The following CACNG5 variants were observed in gnomAD, a reference collection of about 807,000 sequenced individuals.
The protein encoded by CACNG5 is calcium voltage-gated channel auxiliary subunit gamma 5.
CACNG5 carries 18 observed loss-of-function variants against 24.8 expected under a neutral mutation model. That is an observed-to-expected ratio of 0.73 (90% CI 0.50 to 1.08). CACNG5 has a LOEUF of 1.08. Ranked by LOEUF, CACNG5 falls within the 50% of genes least tolerant of loss-of-function variation. The pLI, the probability that CACNG5 is intolerant of heterozygous loss-of-function variation, is 0.00. For missense variants in CACNG5, 349 were observed against 367.9 expected, an observed-to-expected ratio of 0.95 and a Z score of 0.42; for synonymous variants, 157 against 149.1, an observed-to-expected ratio of 1.05 and a Z score of -0.39.
chr17:66,878,421 C>T (rs561827307), intron 2 of CACNG5, among the ~76,000 whole-genome samples: 4 of 152,322 alleles, frequency 2.6e-5, no homozygotes, highest in African/African-American at 9.6e-5. Context: ...TTGTTCCTAC[C>T]AGTATTTAGC....
In CACNG5 at chr17:66,877,889, C is replaced by T. The variant is rs1454658544; in HGVS notation, c.196+361C>T. On this transcript the variant is annotated intron_variant, in intron 2 of 5. Transcript: ENST00000533854. The stretch of plus-strand genomic sequence containing the variant: ...AAGTATTGATCCCATATAATTCTCC[C>T]AACAGTACTGCAAGACAGGACTTGT... 2.0e-5 allele frequency among the ~76,000 whole-genome samples: 3 copies of T among 152,338 alleles called. No individual in the cohort carries two copies. The East Asian group carries it at 5.8e-4, about 29-fold the overall frequency.
intron 1 of CACNG5, among the ~76,000 whole-genome samples, chr17:66,855,239 T>C (rs561495673): frequency 1.3e-5 from 2 of 152,222 alleles, no homozygotes; most frequent in Non-Finnish European, 2.9e-5. Flanking sequence ...TGTTCCCGAT[T>C]CTTTTCTTTT....
intron 1 of CACNG5, among the ~76,000 whole-genome samples, chr17:66,872,645 C>T (rs1256711796): frequency 6.6e-6 from 1 of 152,302 alleles, no homozygotes. Context: ...TTTATCTTTT[C>T]AAGTAACTGT....
Position 66,877,300 on chromosome 17 carries a change from T to G in CACNG5, c.-33T>G, listed in dbSNP as rs1374368115. 6.3e-7 allele frequency: 1 copy of G among 1,594,844 alleles called. No homozygotes were observed. Reference sequence around the variant, plus strand: ...AGCGCAGTCCGTGCTGGTGGGAGCGTGGCGACTAGTTGCACAGCAACGGTC... The same window carrying G: ...AGCGCAGTCCGTGCTGGTGGGAGCGGGGCGACTAGTTGCACAGCAACGGTC... On this transcript the variant is annotated 5_prime_UTR_variant, in exon 2 of 6. Coordinates refer to ENST00000533854, the MANE Select transcript of CACNG5 (RefSeq NM_145811.3).
At chr17:66,873,699 T>G (rs947534158) in intron 1 of CACNG5, among the ~76,000 whole-genome samples, 1 of 152,240 alleles carries the variant, frequency 6.6e-6, no homozygotes, top group East Asian at 1.9e-4. Flanking sequence ...ATATCTGCTG[T>G]CGTGTTTAAT....
chr17:66,867,513 G>A (rs144602611), intron 1 of CACNG5, among the ~76,000 whole-genome samples: 10,965 of 152,154 alleles, frequency 0.072, 685 homozygotes, highest in African/African-American at 0.17. Flanking sequence ...TGTTGCAATT[G>A]CTTTTGGTGA....
intron 1 of CACNG5, among the ~76,000 whole-genome samples, chr17:66,867,737 C>T (rs1246632096): frequency 1.3e-5 from 2 of 152,124 alleles, no homozygotes; most frequent in Non-Finnish European, 2.9e-5. Flanking sequence ...AATCCTTTCC[C>T]CATTGCTTGT....
chr17:66,863,674 A>G (rs896649651), intron 1 of CACNG5, among the ~76,000 whole-genome samples: 2 of 152,014 alleles, frequency 1.3e-5, no homozygotes, highest in African/African-American at 4.8e-5. Flanking sequence ...GCCTACACTC[A>G]CTATTTATTG....
chr17:66,870,155 T>A (rs778362136), intron 1 of CACNG5, among the ~76,000 whole-genome samples: 18 of 152,098 alleles, frequency 1.2e-4, no homozygotes, highest in Admixed American at 2.0e-4. Context: ...TGCTCATGAT[T>A]TTGCGGGTGT....
chr17:66,839,739 A>G (rs548016670), intron 1 of CACNG5, among the ~76,000 whole-genome samples: 15 of 152,130 alleles, frequency 9.9e-5, no homozygotes, highest in African/African-American at 2.9e-4. Flanking sequence ...GCCCTGCATC[A>G]CCGAGGGCTG....
At chr17:66,881,417 G>C (rs1977156365) in intron 4 of CACNG5, among the ~76,000 whole-genome samples, 1 of 152,082 alleles carries the variant, frequency 6.6e-6, no homozygotes, top group Admixed American at 6.6e-5. Context: ...CCATCCCCCA[G>C]CTGTCCTCAG....
intron 4 of CACNG5, 99 bp downstream of exon 4, chr17:66,880,796 C>T: frequency 7.4e-7 from 1 of 1,347,680 alleles, no homozygotes. Context: ...CGCTGGAGTG[C>T]AGTGGCACGA....
intron 1 of CACNG5, among the ~76,000 whole-genome samples, chr17:66,864,919 G>A (rs1410352722): frequency 2.0e-5 from 3 of 151,998 alleles, no homozygotes; most frequent in African/African-American, 7.2e-5. Context: ...TATCAGTCTT[G>A]TTTTATGTTC....
chr17:66,887,903 A>T lies in CACNG5; in HGVS notation c.*2663A>T, dbSNP rs1977285193. On this transcript the variant is annotated 3_prime_UTR_variant, in exon 6 of 6. Transcript: ENST00000533854. Reference sequence around the variant, plus strand: ...ATCACAATTTCCTTTCTGTCTATAAATTCATCTCCGAATCAGGGCCTAGTT... The same window carrying T: ...ATCACAATTTCCTTTCTGTCTATAATTTCATCTCCGAATCAGGGCCTAGTT... Among the ~76,000 whole-genome samples the T allele has an allele frequency of 3.3e-5, 5 of 152,114 alleles. No individual in the cohort carries two copies. The South Asian group carries it at 1.0e-3, about 32-fold the overall frequency.
chr17:66,860,057 C>T (rs1230377007), intron 1 of CACNG5, among the ~76,000 whole-genome samples: 1 of 152,148 alleles, frequency 6.6e-6, no homozygotes, highest in Non-Finnish European at 1.5e-5. Context: ...TTTCCATTTG[C>T]CATTCAGGAA....
chr17:66,839,065 G>A (rs567994226), intron 1 of CACNG5, among the ~76,000 whole-genome samples: 42 of 148,210 alleles, frequency 2.8e-4, no homozygotes, highest in African/African-American at 1.0e-3. Context: ...GGGTTCAAGC[G>A]AACCTCCTGC....
intron 5 of CACNG5, 111 bp from the exon 6 acceptor site, chr17:66,884,872 C>T (rs764706157): frequency 1.9e-6 from 3 of 1,613,460 alleles, no homozygotes; most frequent in Non-Finnish European, 2.5e-6. Flanking sequence ...CTGCTCCTGT[C>T]CCCACGTCCA....
intron 1 of CACNG5, among the ~76,000 whole-genome samples, chr17:66,846,741 A>G (rs1455472695): frequency 6.6e-6 from 1 of 152,192 alleles, no homozygotes; most frequent in Non-Finnish European, 1.5e-5. Context: ...ATGTACAAGT[A>G]TTTGTCTGAA....
rs544944159 is a variant in CACNG5 at position 66,855,811 on chromosome 17, A to T, written c.-104+20561A>T. On this transcript the variant is annotated intron_variant, in intron 1 of 5. Transcript: ENST00000533854. ...CGCACCCGGCCATGCATATGTATTT[A>T]AAAAAATCAAGGAAAAGAAACTGAA... Among the ~76,000 whole-genome samples, 20 of 152,316 alleles carry T rather than the reference A, an allele frequency of 1.3e-4. 1 individual carries two copies. In the South Asian group the frequency reaches 2.5e-3, roughly 19 times the overall value.
Sources: allele counts gnomAD v4.1 joint callset (sites outside exome capture counted in the v4.1 genomes callset), GRCh38; gene constraint gnomAD v4.1.1; transcripts MANE v1.5; gene names NCBI Gene and HGNC (gene_info 2026-07-23, HGNC 2026-07-21).